Variants in TSPAN5 observed in about 807,000 individuals in gnomAD.
TSPAN5 encodes tetraspanin-5.
Under a neutral mutation model 37.1 loss-of-function variants are expected in TSPAN5, and 10 were observed. The observed-to-expected ratio is 0.27, with a 90% CI of 0.17 to 0.46. The LOEUF (loss-of-function observed/expected upper bound fraction) is 0.46, where lower values mean the gene tolerates loss of function less well. TSPAN5 is among the 20% of genes least tolerant of loss of function. The pLI is 1.00. For missense variants in TSPAN5, 195 were observed against 326.6 expected (o/e 0.60, Z 3.11); for synonymous variants, 110 against 118.9 (o/e 0.93, Z 0.48).
chr4:98,513,234 T>G (rs1036913238), intron 1 of TSPAN5, among the ~76,000 whole-genome samples: 1 of 152,094 alleles, frequency 6.6e-6, no homozygotes, highest in Non-Finnish European at 1.5e-5. Flanking sequence ...GACACGAGCA[T>G]GGACCAGCCC....
In TSPAN5 at chr4:98,531,371, C is replaced by G. The variant is rs143385698; in HGVS notation, c.82-23643G>C. Among the ~76,000 whole-genome samples, 729 of 152,302 alleles carry G rather than the reference C, an allele frequency of 4.8e-3. 5 individuals are homozygous for G. The highest frequency in any genetic ancestry group is 0.014 in the Middle Eastern group (4 of 294). On this transcript the variant is annotated intron_variant, in intron 1 of 7. Transcript: ENST00000305798. ...TGCTGAGAAAGAGGATTTCCAGCTT[C>G]ATCCATGTCCCTGCAAAGGACATGA...
chr4:98,528,080 A>T (rs1184343414), intron 1 of TSPAN5, among the ~76,000 whole-genome samples: 1 of 152,188 alleles, frequency 6.6e-6, no homozygotes, highest in Non-Finnish European at 1.5e-5. Context: ...CAGAAGGGTA[A>T]AGTGTTCCTC....
chr4:98,507,646 C>A, intron 2 of TSPAN5, 32 bp downstream of exon 2: 1 of 1,567,794 alleles, frequency 6.4e-7, no homozygotes, highest in Admixed American at 1.7e-5. Flanking sequence ...CTAACAACCA[C>A]GATGTGTGCA....
intron 1 of TSPAN5, among the ~76,000 whole-genome samples, chr4:98,575,417 A>G (rs1055050309): frequency 6.7e-6 from 1 of 150,042 alleles, no homozygotes; most frequent in African/African-American, 2.5e-5. Flanking sequence ...ATGAGACAAT[A>G]TAACTCCTAA....
chr4:98,548,620 C>G (rs1754525538), intron 1 of TSPAN5, among the ~76,000 whole-genome samples: 1 of 152,014 alleles, frequency 6.6e-6, no homozygotes, highest in South Asian at 2.1e-4. Context: ...GTACCCATCA[C>G]CTAAATAGTA....
At chr4:98,634,695 A>G (rs566565481) in intron 1 of TSPAN5, among the ~76,000 whole-genome samples, 8 of 152,366 alleles carry the variant, frequency 5.3e-5, no homozygotes, top group Admixed American at 5.2e-4. Context: ...TCCAGGAGGT[A>G]TCCATGAAAC....
intron 1 of TSPAN5, among the ~76,000 whole-genome samples, chr4:98,607,579 T>G (rs192680047): frequency 6.6e-6 from 1 of 152,300 alleles, no homozygotes; most frequent in East Asian, 1.9e-4. Flanking sequence ...ATAGTTTTTG[T>G]GATTTATTTG....
At chr4:98,578,570 C>T (rs993248173) in intron 1 of TSPAN5, among the ~76,000 whole-genome samples, 11 of 152,142 alleles carry the variant, frequency 7.2e-5, no homozygotes, top group Admixed American at 3.9e-4. Context: ...CAGGCACACA[C>T]CACCACGCCC....
intron 2 of TSPAN5, among the ~76,000 whole-genome samples, chr4:98,487,562 G>GT (rs34043342): frequency 0.027 from 3,991 of 149,946 alleles, 83 homozygotes; most frequent in Non-Finnish European, 0.041. Context: ...ACACCTACAA[G>GT]TTTTTTTTTT....
At chr4:98,538,593 C>T (rs1280548693) in intron 1 of TSPAN5, among the ~76,000 whole-genome samples, 1 of 152,216 alleles carries the variant, frequency 6.6e-6, no homozygotes, top group Non-Finnish European at 1.5e-5. Flanking sequence ...AAAACTAATT[C>T]AGTTTTCTTC....
At chr4:98,482,401 T>C (rs1170904246) in intron 3 of TSPAN5, 2 of 378,450 alleles carry the variant, frequency 5.3e-6, no homozygotes, top group African/African-American at 4.2e-5. Flanking sequence ...AGTGTTCCAT[T>C]TGATAATTAA....
chr4:98,588,085 T>C (rs543638360), intron 1 of TSPAN5, among the ~76,000 whole-genome samples: 1 of 152,332 alleles, frequency 6.6e-6, no homozygotes, highest in East Asian at 1.9e-4. Flanking sequence ...GCACAGTCTA[T>C]TCTGCAAACT....
chr4:98,583,683 A>G (rs537001302), intron 1 of TSPAN5, among the ~76,000 whole-genome samples: 1 of 152,290 alleles, frequency 6.6e-6, no homozygotes, highest in African/African-American at 2.4e-5. Context: ...TCATCACTTC[A>G]CTACACGGCC....
intron 1 of TSPAN5, among the ~76,000 whole-genome samples, chr4:98,636,983 A>C (rs1034941272): frequency 1.3e-5 from 2 of 152,036 alleles, no homozygotes; most frequent in Non-Finnish European, 2.9e-5. Flanking sequence ...ATACCAAAGC[A>C]CCTGATGAGC....
At chr4:98,604,501 CATGACATGAT>C (rs1316376432) in intron 1 of TSPAN5, among the ~76,000 whole-genome samples, 2 of 152,174 alleles carry the variant, frequency 1.3e-5, no homozygotes, top group African/African-American at 4.8e-5. Context: ...AAACAGCTAA[CATGACATGAT>C]ATGTATTAAT....
intron 1 of TSPAN5, among the ~76,000 whole-genome samples, chr4:98,564,621 A>AT (rs944974834): frequency 6.6e-6 from 1 of 152,024 alleles, no homozygotes; most frequent in African/African-American, 2.4e-5. Context: ...ACTTTCACAC[A>AT]TTTTTTAAGG....
intron 1 of TSPAN5, among the ~76,000 whole-genome samples, chr4:98,549,445 G>A (rs377346616): frequency 4.6e-5 from 7 of 151,946 alleles, no homozygotes; most frequent in South Asian, 2.1e-4. Flanking sequence ...TGGGACTACA[G>A]GTGCCCTACG....
At chr4:98,542,786 G>A (rs995763242) in intron 1 of TSPAN5, among the ~76,000 whole-genome samples, 7 of 151,044 alleles carry the variant, frequency 4.6e-5, no homozygotes, top group Admixed American at 3.9e-4. Flanking sequence ...TGTTGAATGA[G>A]GTGTGACGGA....
intron 2 of TSPAN5, among the ~76,000 whole-genome samples, chr4:98,490,821 G>A (rs1753068265): frequency 6.6e-6 from 1 of 152,172 alleles, no homozygotes; most frequent in Non-Finnish European, 1.5e-5. Context: ...AGCACTTTGG[G>A]AGGCCGAGGC....
Sources: gnomAD v4.1 joint callset for allele counts (sites outside exome capture counted in the v4.1 genomes callset) on GRCh38, gnomAD v4.1.1 for gene constraint, MANE v1.5 for transcripts, NCBI Gene and HGNC (gene_info 2026-07-23, HGNC 2026-07-21) for gene names.